The following ADAMTS17 variants were observed in gnomAD, a reference collection of about 807,000 sequenced individuals.
ADAMTS17 encodes A disintegrin and metalloproteinase with thrombospondin motifs 17.
Under a neutral mutation model 141.5 loss-of-function variants are expected in ADAMTS17, and 113 were observed. The ratio of observed to expected loss-of-function variants is 0.80; its 90% CI spans 0.69 to 0.93. ADAMTS17 has a LOEUF of 0.93. Among genes scored for constraint, ADAMTS17 ranks in the 40% least tolerant of loss-of-function variants. The pLI, the probability that ADAMTS17 is intolerant of heterozygous loss-of-function variation, is 0.00. For missense variants in ADAMTS17, 1,659 were observed against 1,517.9 expected, an observed-to-expected ratio of 1.09 and a Z score of -1.54; for synonymous variants, 768 against 630.6, an observed-to-expected ratio of 1.22 and a Z score of -3.27.
intron 4 of ADAMTS17, among the ~76,000 whole-genome samples, chr15:100,274,485 C>G (rs1417261439): frequency 2.6e-5 from 4 of 152,250 alleles, no homozygotes; most frequent in East Asian, 3.9e-4. Flanking sequence ...TATAGCTACT[C>G]CTGCTCTCTT....
intron 18 of ADAMTS17, among the ~76,000 whole-genome samples, chr15:100,013,504 T>C (rs1034186137): frequency 6.6e-6 from 1 of 152,216 alleles, no homozygotes; most frequent in African/African-American, 2.4e-5. Context: ...CCATCAGTAC[T>C]GTGTTGGCTG....
intron 18 of ADAMTS17, among the ~76,000 whole-genome samples, chr15:100,017,369 A>G (rs1358311319): frequency 1.3e-5 from 2 of 152,108 alleles, no homozygotes; most frequent in African/African-American, 2.4e-5. Context: ...CCTCCCCCCA[A>G]GTTCTGGCCA....
intron 14 of ADAMTS17, among the ~76,000 whole-genome samples, chr15:100,102,600 TACATTTGAAGGCCGACTGAAAGGGATCC>T (rs1347918767): frequency 1.3e-5 from 2 of 151,632 alleles, no homozygotes; most frequent in Non-Finnish European, 3.0e-5. Context: ...GAAGGAGATC[TACATTTGAAGGCCGACTGAAAGGGATCC>T]ACATTTGAAG....
chr15:100,061,318 C>T (rs182041348), intron 15 of ADAMTS17, among the ~76,000 whole-genome samples: 98 of 152,282 alleles, frequency 6.4e-4, no homozygotes, highest in African/African-American at 2.3e-3. Context: ...TTCAGCTTGC[C>T]CCTCTAAGAA....
At chr15:100,062,011 C>A (rs1355179637) in intron 15 of ADAMTS17, among the ~76,000 whole-genome samples, 2 of 152,194 alleles carry the variant, frequency 1.3e-5, no homozygotes, top group South Asian at 2.1e-4. Context: ...AGGGAGTGGG[C>A]TCTTTGCGAA....
Position 100,152,600 on chromosome 15 carries a change from AC to A in ADAMTS17, c.1473+11del, listed in dbSNP as rs748035571. ...TGCTCTGTCCCGAGCCAGCCCTCCC[AC>A]GGCTGCTTACCTCCATGTTTCTGCA... On this transcript the variant is annotated intron_variant, in intron 10 of 21. Coordinates refer to ENST00000268070, the MANE Select transcript of ADAMTS17 (RefSeq NM_139057.4). 6.2e-7 allele frequency: 1 copy of A among 1,613,246 alleles called. No homozygotes were observed. The highest frequency in any genetic ancestry group is 8.5e-7 in the Non-Finnish European group (1 of 1,179,998).
chr15:100,330,539 T>G (rs1217917265), intron 3 of ADAMTS17, among the ~76,000 whole-genome samples: 1 of 152,074 alleles, frequency 6.6e-6, no homozygotes, highest in Non-Finnish European at 1.5e-5. Context: ...TCGGGAGCAC[T>G]GTATTATTAA....
chr15:100,303,140 TTATA>T (rs986379332), intron 3 of ADAMTS17, among the ~76,000 whole-genome samples: 2 of 146,414 alleles, frequency 1.4e-5, no homozygotes, highest in African/African-American at 2.5e-5. Context: ...ATATTTATAT[TTATA>T]TATAAACTAT....
intron 14 of ADAMTS17, among the ~76,000 whole-genome samples, chr15:100,106,626 C>T (rs1244026115): frequency 1.3e-5 from 2 of 152,178 alleles, no homozygotes; most frequent in African/African-American, 2.4e-5. Context: ...CTTAGAAATG[C>T]CTCCCCATTG....
chr15:100,103,216 G>A (rs948703230), intron 14 of ADAMTS17, among the ~76,000 whole-genome samples: 8 of 152,182 alleles, frequency 5.3e-5, no homozygotes, highest in Non-Finnish European at 1.5e-5. Flanking sequence ...TTCAGGCACT[G>A]CTATCCATAA....
chr15:100,178,681 C>A (rs1393481761), intron 8 of ADAMTS17, among the ~76,000 whole-genome samples: 2 of 152,130 alleles, frequency 1.3e-5, no homozygotes, highest in African/African-American at 4.8e-5. Flanking sequence ...GATCCATATT[C>A]TTCTCCTACC....
intron 7 of ADAMTS17, among the ~76,000 whole-genome samples, chr15:100,240,910 C>T (rs2042809495): frequency 6.6e-6 from 1 of 152,174 alleles, no homozygotes; most frequent in Non-Finnish European, 1.5e-5. Flanking sequence ...ACTGCAACCT[C>T]CGCCTCCCGG....
At chr15:100,262,291 T>C (rs948928967) in intron 5 of ADAMTS17, 61 bp downstream of exon 5, 3 of 1,488,798 alleles carry the variant, frequency 2.0e-6, no homozygotes, top group South Asian at 1.1e-5. Flanking sequence ...TCAACAGCAG[T>C]TGAGAAGCTC....
intron 10 of ADAMTS17, among the ~76,000 whole-genome samples, chr15:100,136,278 T>A (rs770445552): frequency 2.0e-5 from 3 of 152,156 alleles, no homozygotes; most frequent in Admixed American, 6.5e-5. Flanking sequence ...AACCACAGTG[T>A]TGGGAGTCAG....
chr15:100,157,290 G>A (rs976764459), intron 8 of ADAMTS17, among the ~76,000 whole-genome samples: 51 of 152,188 alleles, frequency 3.4e-4, no homozygotes, highest in African/African-American at 1.2e-3. Context: ...CCAATTGGCA[G>A]ACACCCGTCC....
intron 18 of ADAMTS17, among the ~76,000 whole-genome samples, chr15:100,034,424 G>A (rs1251739697): frequency 3.3e-5 from 5 of 152,224 alleles, no homozygotes; most frequent in Admixed American, 3.3e-4. Context: ...CAGAGGCCTG[G>A]CCGGCCAACA....
At chr15:100,172,673 C>T (rs59080299) in intron 8 of ADAMTS17, among the ~76,000 whole-genome samples, 4,225 of 152,236 alleles carry the variant, frequency 0.028, 92 homozygotes, top group East Asian at 0.12. Context: ...AATAGCCAAT[C>T]GGAATTAGCT....
At chr15:99,987,653 G>C (rs917325481) in intron 20 of ADAMTS17, among the ~76,000 whole-genome samples, 4 of 152,192 alleles carry the variant, frequency 2.6e-5, no homozygotes, top group Admixed American at 6.5e-5. Context: ...CGCTCGGGAA[G>C]CCTCATCCCA....
rs533075353 is a variant in ADAMTS17, at chr15:100,238,098, A to G, written c.1075+16038T>C. 3.0e-4 allele frequency among the ~76,000 whole-genome samples: 45 copies of G among 152,254 alleles called. No homozygotes were observed. In the East Asian group the frequency reaches 8.5e-3, roughly 29 times the overall value. The stretch of plus-strand genomic sequence containing the variant: ...ACTCACCCTGCTGTCCATGGTGGGG[A>G]CCCTGCCTTTGCTCACAGAAATTAA... On this transcript the variant is annotated intron_variant, in intron 7 of 21. Transcript: ENST00000268070.
Sources: allele counts gnomAD v4.1 joint callset (sites outside exome capture counted in the v4.1 genomes callset), GRCh38; gene constraint gnomAD v4.1.1; transcripts MANE v1.5; gene names NCBI Gene and HGNC (gene_info 2026-07-23, HGNC 2026-07-21).